Variants in TNXB observed in about 807,000 individuals in gnomAD.
The protein encoded by TNXB is tenascin XB.
A neutral mutation model predicts 340.5 loss-of-function variants in TNXB; 183 were observed. That is an observed-to-expected ratio of 0.54 (90% CI 0.48 to 0.61). The LOEUF (loss-of-function observed/expected upper bound fraction) is 0.61, where lower values mean the gene tolerates loss of function less well. Ranked by LOEUF, TNXB falls within the 20% of genes least tolerant of loss-of-function variation. The pLI is 0.00. For missense variants in TNXB, 4,613 were observed against 5,446.4 expected (o/e 0.85, Z 4.82); for synonymous variants, 2,121 against 2,314.5 (o/e 0.92, Z 2.40).
Position 32,054,299 on chromosome 6 carries a change from C to A in TNXB, c.8468-588G>T, listed in dbSNP as rs571524721. On this transcript the variant is annotated intron_variant, in intron 24 of 43. Transcript: ENST00000644971. ...TGCCACCCCATCCCCATCTTTAGCT[C>A]CCACGGATGAACTTCACACAGGCAC... Among the ~76,000 whole-genome samples the A allele has an allele frequency of 3.9e-3, 599 of 152,320 alleles. 7 individuals are homozygous for A. The highest frequency in any genetic ancestry group is 3.7e-3 in the Non-Finnish European group (254 of 68,032).
Position 32,064,759 on chromosome 6 carries a change from G to A in TNXB, c.6841+62C>T, listed in dbSNP as rs1778228915. The stretch of plus-strand genomic sequence containing the variant: ...AAGTAAAATAAAGCCACCAGATACT[G>A]ACAATAAAAGGGAAACTGAGTCTAG... On this transcript the variant is annotated intron_variant, in intron 19 of 43. Transcript: ENST00000644971. The surrounding 1 kb of genome is among the most constrained non-coding windows in gnomAD (Gnocchi z 5.3). 2.6e-6 allele frequency: 4 copies of A among 1,567,666 alleles called. No homozygotes were observed. The South Asian group carries it at 3.5e-5, about 14-fold the overall frequency.
At chr6:32,088,642 A>G in intron 6 of TNXB, 143 bp downstream of exon 6, 1 of 1,220,550 alleles carries the variant, frequency 8.2e-7, no homozygotes, top group Non-Finnish European at 1.1e-6. Context: ...GGACAGAGCA[A>G]GGCCCCCAGC....
chr6:32,101,434 G>T (rs1288527678), intron 1 of TNXB, among the ~76,000 whole-genome samples: 1 of 151,860 alleles, frequency 6.6e-6, no homozygotes, highest in Non-Finnish European at 1.5e-5. Context: ...GACTACAGGC[G>T]CCCACCACCA....
At position 32,096,697 on chromosome 6, in the gene TNXB, C is replaced by T. The variant is rs757223955; in HGVS notation, c.1156G>A (p.Gly386Ser). Residue 386 changes from glycine (G) to serine (S), a missense_variant, in exon 3 of 44, where the codon GGC becomes AGC. Around this residue, in one of 7 missense-constraint regions of TNXB, gnomAD observed 4,327 missense variants for 4,859.4 expected, o/e 0.89. Transcript: ENST00000644971. ...TAGCCCGTGTCGCAAATGCATTCGC[C>T]GTCCTCGCAGCGCCCGCGGCCCCGG... ...DCRGRGRCED[G>S]ECICDTGYSG... 1 of 1,552,024 alleles carries T rather than the reference C, an allele frequency of 6.4e-7. No individual in the cohort carries two copies. The highest frequency in any genetic ancestry group is 8.7e-7 in the Non-Finnish European group (1 of 1,151,642).
rs1411549996 is a variant in TNXB, at chr6:32,052,761, C to A, written c.9024G>T (p.Gly3008=). ...TGTATTTGCACCCGGGCTCCAGGCC[C>A]CCCACGGTGACCTCGCTCTCCTCGC... ...VRGEESEVTV[G]GLEPGCKYKM... The change falls in exon 26 of 44, where the codon GGG becomes GGT. Residue 3008 remains glycine, a synonymous_variant. Transcript: ENST00000644971. The surrounding 1 kb of genome is among the most constrained non-coding windows in gnomAD (Gnocchi z 4.7). 1.2e-6 allele frequency: 2 copies of A among 1,613,612 alleles called. No homozygotes were observed. The highest frequency in any genetic ancestry group is 2.7e-5 in the African/African-American group (2 of 74,874).
Position 32,096,281 on chromosome 6 carries a change from C to T in TNXB, c.1572G>A (p.Gly524=), listed in dbSNP as rs1480763532. The change falls in exon 3 of 44, where the codon GGG becomes GGA. Residue 524 remains glycine, a synonymous_variant. Coordinates refer to ENST00000644971, the MANE Select transcript of TNXB (RefSeq NM_001365276.2). ...CNPGFTGEDC[G]SRRCPGDCRG... ...GGCAGTCCCCGGGACAGCGACGGCT[C>T]CCACAGTCCTCACCGGTGAAGCCCG... 1 of 1,558,362 alleles carries T rather than the reference C, an allele frequency of 6.4e-7. No individual in the cohort carries two copies. Among genetic ancestry groups the T allele is most frequent in the Non-Finnish European group, 8.6e-7 (1 of 1,156,252 alleles).
rs781559496 is a variant in TNXB, at chr6:32,069,695, C to T, written c.5445G>A (p.Gly1815=). The change falls in exon 15 of 44, where the codon GGG becomes GGA. Residue 1815 remains glycine (G), a synonymous_variant. Transcript: ENST00000644971. The surrounding 1 kb of genome is among the most constrained non-coding windows in gnomAD (Gnocchi z 6.2). ...SFVVQYKDRD[G]QPQVVPVEGS... ...CCTCCACGGGCACCACCTGGGGCTG[C>T]CCGTCCCTGTCTTTGTACTGGACCA... 6.2e-7 allele frequency: 1 copy of T among 1,612,414 alleles called. No individual in the cohort carries two copies. The highest frequency in any genetic ancestry group is 1.7e-5 in the Admixed American group (1 of 59,912).
At chr6:32,060,748 C>T (rs1165309097) in intron 21 of TNXB, among the ~76,000 whole-genome samples, 4 of 151,930 alleles carry the variant, frequency 2.6e-5, no homozygotes, top group Admixed American at 6.6e-5. Context: ...AAGCAATTCT[C>T]GTGCCTCCAC....
In TNXB at chr6:32,042,350, G is replaced by A. The variant is rs1562769769; in HGVS notation, c.12223C>T (p.Arg4075Cys). 15 of 1,561,472 alleles carry A rather than the reference G, an allele frequency of 9.6e-6. No individual in the cohort carries two copies. Among genetic ancestry groups the A allele is most frequent in the Non-Finnish European group, 1.2e-5 (14 of 1,139,434 alleles). ...DGGGWLVFQRRMDGQTDFWRD... is the reference protein window; with the variant it reads ...DGGGWLVFQRCMDGQTDFWRD... ...CAGAAGTCTGTCTGTCCATCCATGC[G>A]GCGCTGGAACACCTGGGAAGCAAGT... Residue 4075 changes from arginine (R) to cysteine (C), a missense_variant, in exon 41 of 44, where the codon CGC (arginine) becomes TGC (cysteine). Arg to Cys is a radical substitution (Grantham distance 180). Coordinates refer to ENST00000644971, the MANE Select transcript of TNXB (RefSeq NM_001365276.2).
chr6:32,093,211 G>C, intron 4 of TNXB: 1 of 602,120 alleles, frequency 1.7e-6, no homozygotes, highest in South Asian at 2.0e-5. Flanking sequence ...GAGAAGAAGA[G>C]AGTGGGAGAA....
rs1054412913 is a variant in TNXB at position 32,079,797 on chromosome 6, C to T, written c.4043-432G>A. On this transcript the variant is annotated intron_variant, in intron 10 of 43. Coordinates refer to ENST00000644971, the MANE Select transcript of TNXB (RefSeq NM_001365276.2). The surrounding 1 kb of genome is among the most constrained non-coding windows in gnomAD (Gnocchi z 7.1). ...CCAGGCAGCCCTGCCCCTCCCTCCC[C>T]TTTAACCCCAAGGAATGAATTGCTA... Among the ~76,000 whole-genome samples, 6 of 152,224 alleles carry T rather than the reference C, an allele frequency of 3.9e-5. No individual in the cohort carries two copies. The highest frequency in any genetic ancestry group is 7.2e-5 in the African/African-American group (3 of 41,452).
At position 32,068,888 on chromosome 6, in the gene TNXB, G is replaced by A. The variant is rs1464319521; in HGVS notation, c.5836C>T (p.Leu1946=). 3 of 1,612,882 alleles carry A rather than the reference G, an allele frequency of 1.9e-6. No individual in the cohort carries two copies. Among genetic ancestry groups the A allele is most frequent in the Non-Finnish European group, 2.5e-6 (3 of 1,179,866 alleles). ...LSGLESDHRY[L]VTLYGFSDGK... ...TCACTGAAACCATACAGGGTCACCA[G>A]GTATCTGTGGTCGGATTCCAGGCCA... Residue 1946 remains leucine, a synonymous_variant, in exon 16 of 44, where the codon CTG becomes TTG. Transcript: ENST00000644971. This position sits in a 1 kb window ranked among gnomAD's most constrained non-coding sequence, Gnocchi z 5.3.
chr6:32,053,823 C>T (rs1219055669), intron 24 of TNXB, 112 bp from the exon 25 acceptor site: 4 of 1,231,434 alleles, frequency 3.2e-6, no homozygotes, highest in Admixed American at 4.5e-5. Context: ...GCCCACAGCG[C>T]CTCCAGCACA....
In TNXB at chr6:32,085,771, T is replaced by A; in HGVS notation, c.3127A>T (p.Ile1043Phe). ...VPPGGKPSDPIIYQGIMDKDE... is the reference protein window; with the variant it reads ...VPPGGKPSDPFIYQGIMDKDE... ...GTACCCATAATGCCTTGGTAGATGA[T>A]GGGGTCAGAGGGCTTGCCCCCAGGA... is the stretch of plus-strand genomic sequence containing the variant. Residue 1043 changes from isoleucine (I) to phenylalanine (F), a missense_variant, in exon 7 of 44, where the codon ATC becomes TTC. Coordinates refer to ENST00000644971, the MANE Select transcript of TNXB (RefSeq NM_001365276.2). This position sits in a 1 kb window ranked among gnomAD's most constrained non-coding sequence, Gnocchi z 6.4. The A allele has an allele frequency of 6.4e-7, 1 of 1,552,892 alleles. No homozygotes were observed. Among genetic ancestry groups the A allele is most frequent in the Non-Finnish European group, 8.7e-7 (1 of 1,148,584 alleles).
chr6:32,057,054 G>A (rs985721257), intron 22 of TNXB, among the ~76,000 whole-genome samples, 151 bp from the exon 23 acceptor site: 4 of 151,886 alleles, frequency 2.6e-5, no homozygotes, highest in Non-Finnish European at 5.9e-5. Context: ...CTCCTCTCCT[G>A]TGGCCTTTCC....
In TNXB at chr6:32,067,131, G is replaced by GAAA. The variant is rs1218928869; in HGVS notation, c.6544+529_6544+530insTTT. Reference sequence around the variant, plus strand: ...AAAGAAAGAGAAAGAAAGAAAGGAAGGAAGAAAGAAAGAAAGAAAGAAAGA... The same window carrying GAAA: ...AAAGAAAGAGAAAGAAAGAAAGGAAGAAAGAAGAAAGAAAGAAAGAAAGAAAGA... On this transcript the variant is annotated intron_variant, in intron 18 of 43. Transcript: ENST00000644971. This position sits in a 1 kb window ranked among gnomAD's most constrained non-coding sequence, Gnocchi z 4.2. 2.1e-3 allele frequency among the ~76,000 whole-genome samples: 276 copies of GAAA among 129,490 alleles called. 5 individuals carry two copies. The highest frequency in any genetic ancestry group is 0.02 in the Admixed American group (231 of 11,834). 85.0% of individuals were successfully genotyped at this position (129,490 alleles called of 152,430 possible).
rs1272889786 is a variant in TNXB at position 32,108,489 on chromosome 6, G to GAAC, written c.-9+689_-9+691dup. Among the ~76,000 whole-genome samples the GAAC allele has an allele frequency of 2.0e-5, 3 of 152,072 alleles. No homozygotes were observed. The highest frequency in any genetic ancestry group is 2.9e-5 in the Non-Finnish European group (2 of 68,008). ...ATCTCTCAGCCATCCCAGCCCTGCT[G>GAAC]AACCGTGAGTCATGAGTGCAGAGCT... On this transcript the variant is annotated intron_variant, in intron 1 of 43. Transcript: ENST00000644971. The surrounding 1 kb of genome is among the most constrained non-coding windows in gnomAD (Gnocchi z 4.8).
In TNXB at chr6:32,097,267, G is replaced by A. The variant is rs1378061730; in HGVS notation, c.586C>T (p.Arg196Cys). ...CACACGCAACGACCACGGACACAGC[G>A]ACCCTGATCATTGCAGTCATCTGGG... ...SCPDDCNDQG[R>C]CVRGRCVCFP... is the part of the protein sequence containing the mutation. Residue 196 changes from arginine to cysteine, a missense_variant, in exon 3 of 44, where the codon CGC (arginine) becomes TGC (cysteine). Arg to Cys is a radical substitution (Grantham distance 180, BLOSUM62 -3). Around this residue, in one of 7 missense-constraint regions of TNXB, gnomAD observed 4,327 missense variants for 4,859.4 expected, o/e 0.89. Coordinates refer to ENST00000644971, the MANE Select transcript of TNXB (RefSeq NM_001365276.2). The surrounding 1 kb of genome is among the most constrained non-coding windows in gnomAD (Gnocchi z 5.9). 2 of 1,612,684 alleles carry A rather than the reference G, an allele frequency of 1.2e-6. No individual in the cohort carries two copies. Among genetic ancestry groups the A allele is most frequent in the South Asian group, 1.1e-5 (1 of 90,778 alleles).
In TNXB at chr6:32,068,379, C is replaced by T; in HGVS notation, c.6220+11G>A. ...ATGGCTCCCACCCTGGGGCTCCCAT[C>T]ATCCACTCACCTGTCACCCCGACGA... On this transcript the variant is annotated intron_variant, in intron 17 of 43. Coordinates refer to ENST00000644971, the MANE Select transcript of TNXB (RefSeq NM_001365276.2). The surrounding 1 kb of genome is among the most constrained non-coding windows in gnomAD (Gnocchi z 5.3). 1.2e-6 allele frequency: 2 copies of T among 1,612,092 alleles called. No homozygotes were observed. The highest frequency in any genetic ancestry group is 1.7e-6 in the Non-Finnish European group (2 of 1,178,662).
Sources: gnomAD v4.1 joint callset for allele counts (sites outside exome capture counted in the v4.1 genomes callset) on GRCh38, gnomAD v4.1.1 for gene constraint, gnomAD v4.1.1 regional missense constraint, Gnocchi (gnomAD v3.1) non-coding constraint, MANE v1.5 for transcripts, NCBI Gene and HGNC (gene_info 2026-07-23, HGNC 2026-07-21) for gene names.